The following C6orf89 variants were observed in gnomAD, a reference collection of about 807,000 sequenced individuals.
C6orf89 encodes bombesin receptor-activated protein C6orf89.
Under a neutral mutation model 40.7 loss-of-function variants are expected in C6orf89, and 29 were observed. That is an observed-to-expected ratio of 0.71 (90% confidence interval 0.53 to 0.97). The LOEUF (loss-of-function observed/expected upper bound fraction) is 0.97, where lower values mean the gene tolerates loss of function less well. C6orf89 is among the 50% of genes least tolerant of loss of function. The pLI is 0.00. For missense variants in C6orf89, 392 were observed against 429.1 expected (o/e 0.91, Z 0.76); for synonymous variants, 165 against 152.2 (o/e 1.08, Z -0.62).
upstream of C6orf89, among the ~76,000 whole-genome samples, chr6:36,882,628 A>G (rs1267227752): frequency 2.0e-5 from 3 of 152,254 alleles, no homozygotes; most frequent in Non-Finnish European, 2.9e-5. Context: ...ATATTCCTGG[A>G]AAGACGATCA....
chr6:36,919,929 T>C (rs1398400680), intron 8 of C6orf89, among the ~76,000 whole-genome samples: 2 of 152,210 alleles, frequency 1.3e-5, no homozygotes, highest in African/African-American at 4.8e-5. Flanking sequence ...TGCGTGTGTC[T>C]ATTGATCATA....
intron 1 of C6orf89, chr6:36,874,591 G>T: frequency 7.6e-7 from 1 of 1,308,900 alleles, no homozygotes; most frequent in Non-Finnish European, 1.1e-6. Context: ...GGCCGTCTCG[G>T]CCGCTGCTCC....
intron 1 of C6orf89, among the ~76,000 whole-genome samples, chr6:36,878,269 T>G (rs1358787231): frequency 1.3e-5 from 2 of 152,236 alleles, no homozygotes; most frequent in East Asian, 3.8e-4. Flanking sequence ...TCTGTTTCAT[T>G]GGTTTCATAC....
At chr6:36,885,828 G>A (rs1774953703), upstream of C6orf89, 1 of 415,222 alleles carries the variant, frequency 2.4e-6, no homozygotes. Flanking sequence ...GAGAGGTCCC[G>A]CGCTCGCCAC....
chr6:36,894,986 G>A (rs1269112877), intron 2 of C6orf89, among the ~76,000 whole-genome samples: 1 of 152,136 alleles, frequency 6.6e-6, no homozygotes, highest in Non-Finnish European at 1.5e-5. Flanking sequence ...CTAGCAATTG[G>A]CAAAGCTTGT....
At chr6:36,880,109 C>A (rs1490347464) in intron 2 of C6orf89, among the ~76,000 whole-genome samples, 1 of 152,190 alleles carries the variant, frequency 6.6e-6, no homozygotes, top group Non-Finnish European at 1.5e-5. Context: ...CTTCCTCGAG[C>A]ACCTAGGAAG....
At chr6:36,883,031 G>A (rs1381955508), upstream of C6orf89, among the ~76,000 whole-genome samples, 1 of 152,114 alleles carries the variant, frequency 6.6e-6, no homozygotes. Context: ...GAGCCACCGC[G>A]CCCGGCCTGA....
Position 36,914,539 on chromosome 6 carries a change from T to G in C6orf89, c.556-15T>G. The G allele has an allele frequency of 6.2e-7, 1 of 1,613,750 alleles. No homozygotes were observed. ...TAACTCTGTGTTGTTTTGTTTTGTT[T>G]CCTGCCTTGCCAAGACGGGAAAGCC... is the stretch of plus-strand genomic sequence containing the variant. On this transcript the variant is annotated splice_polypyrimidine_tract_variant and intron_variant, in intron 5 of 8. Coordinates refer to ENST00000480824, the MANE Select transcript of C6orf89 (RefSeq NM_001286635.2).
chr6:36,908,996 G>A (rs1468781319), intron 4 of C6orf89, among the ~76,000 whole-genome samples: 1 of 152,124 alleles, frequency 6.6e-6, no homozygotes, highest in Non-Finnish European at 1.5e-5. Context: ...TCCTACTTCA[G>A]TATGACCTCA....
chr6:36,885,829 C>CG (rs1774953984), upstream of C6orf89: 6 of 416,058 alleles, frequency 1.4e-5, no homozygotes, highest in South Asian at 5.0e-4. Context: ...AGAGGTCCCG[C>CG]GCTCGCCACG....
chr6:36,909,125 T>C (rs1168014979), intron 4 of C6orf89, among the ~76,000 whole-genome samples: 1 of 151,974 alleles, frequency 6.6e-6, no homozygotes, highest in East Asian at 1.9e-4. Flanking sequence ...GAGGATTTTA[T>C]ATTAGTTGAT....
intron 1 of C6orf89, chr6:36,892,937 AT>A (rs70975194): frequency 0.12 from 17,808 of 146,818 alleles, 1,156 homozygotes; most frequent in East Asian, 0.3. Context: ...TTATGTTTGA[AT>A]TTTTTTTTTT....
chr6:36,892,700 T>G (rs1424113185), intron 1 of C6orf89: 1 of 152,204 alleles, frequency 6.6e-6, no homozygotes, highest in African/African-American at 2.4e-5. Flanking sequence ...ACTTAGCATA[T>G]CCGAGGTGGT....
At chr6:36,911,740 G>T (rs1335748281) in intron 4 of C6orf89, among the ~76,000 whole-genome samples, 2 of 152,060 alleles carry the variant, frequency 1.3e-5, no homozygotes, top group African/African-American at 4.8e-5. Flanking sequence ...CCCTAGATGA[G>T]CACTAATGAC....
intron 3 of C6orf89, among the ~76,000 whole-genome samples, chr6:36,900,179 G>T (rs1218491843): frequency 6.8e-6 from 1 of 147,886 alleles, no homozygotes; most frequent in Non-Finnish European, 1.5e-5. Context: ...GAGCCACCAC[G>T]CCTGGCCTTG....
rs1231887892 is a variant in C6orf89 at position 36,925,805 on chromosome 6, G to T, written c.*2364G>T. On this transcript the variant is annotated 3_prime_UTR_variant, in exon 9 of 9. Coordinates refer to ENST00000480824, the MANE Select transcript of C6orf89 (RefSeq NM_001286635.2). ...GGATGCCCCTGCCATCTAGCTGGAAGCATCAAAAGTCCCTCTGTATGACCC... is the reference window on the plus strand; with the variant it reads ...GGATGCCCCTGCCATCTAGCTGGAATCATCAAAAGTCCCTCTGTATGACCC... 1 of 152,260 alleles carries T rather than the reference G, an allele frequency of 6.6e-6. No homozygotes were observed. Among genetic ancestry groups the T allele is most frequent in the Non-Finnish European group, 1.5e-5 (1 of 68,058 alleles). 9.4% of individuals were successfully genotyped at this position (152,260 alleles called of 1,614,324 possible).
intron 3 of C6orf89, among the ~76,000 whole-genome samples, chr6:36,901,321 A>ATTATTATTACTATTTT (rs1561865504): frequency 5.3e-5 from 1 of 19,026 alleles, no homozygotes; most frequent in African/African-American, 1.7e-4. Context: ...TATTATTATT[A>ATTATTATTACTATTTT]TTTTTTTTTT....
rs1762622166 is a variant in C6orf89 at position 36,924,646 on chromosome 6, T to C, written c.*1205T>C. 1 of 152,216 alleles carries C rather than the reference T, an allele frequency of 6.6e-6. No individual in the cohort carries two copies. The highest frequency in any genetic ancestry group is 6.5e-5 in the Admixed American group (1 of 15,280). The allele number at this position is 152,216 out of a possible 1,614,324, so 9.4% of individuals were successfully genotyped here. A position where few individuals can be genotyped will look rare whatever the true frequency, so the allele number is the denominator to read the frequency against. ...GTAAATAAGGATGTTCTTTTCCTGTTCCTTTTATTTTTTTCTCTCTTTATT... is the reference window on the plus strand; with the variant it reads ...GTAAATAAGGATGTTCTTTTCCTGTCCCTTTTATTTTTTTCTCTCTTTATT... On this transcript the variant is annotated 3_prime_UTR_variant, in exon 9 of 9. Transcript: ENST00000480824.
chr6:36,899,634 G>A lies in C6orf89; in HGVS notation c.189+1G>A. Reference sequence around the variant, plus strand: ...TCCTCTCCTTATAGTTGTGTATAAGGTAAAATGTTTCCTGAGTTGGTAATT... The same window carrying A: ...TCCTCTCCTTATAGTTGTGTATAAGATAAAATGTTTCCTGAGTTGGTAATT... On this transcript the variant is annotated splice_donor_variant, in intron 3 of 8. Coordinates refer to ENST00000480824, the MANE Select transcript of C6orf89 (RefSeq NM_001286635.2). LOFTEE classifies it high-confidence loss of function. 1 of 1,613,726 alleles carries A rather than the reference G, an allele frequency of 6.2e-7. No homozygotes were observed. Among genetic ancestry groups the A allele is most frequent in the South Asian group, 1.1e-5 (1 of 91,082 alleles).
Sources: allele counts gnomAD v4.1 joint callset (sites outside exome capture counted in the v4.1 genomes callset), GRCh38; gene constraint gnomAD v4.1.1; transcripts MANE v1.5; gene names NCBI Gene and HGNC (gene_info 2026-07-23, HGNC 2026-07-21).